The following GLTP variants were observed in gnomAD, a reference collection of about 807,000 sequenced individuals.
GLTP encodes glycolipid transfer protein.
In GLTP, 22 loss-of-function variants were observed where a neutral mutation model predicts 24.0. The ratio of observed to expected loss-of-function variants is 0.92; its 90% CI spans 0.65 to 1.31. GLTP has a LOEUF of 1.31. Ranked by LOEUF, GLTP falls within the 50% of genes most tolerant of loss-of-function variation. The probability of loss-of-function intolerance (pLI) is 0.00; values close to 1 mark genes in which losing one functional copy is unlikely to be tolerated. For missense variants in GLTP, 224 were observed against 276.6 expected (o/e 0.81, Z 1.35); for synonymous variants, 92 against 115.9 (o/e 0.79, Z 1.33).
In GLTP at chr12:109,855,068, C is replaced by A. The variant is rs1466433454; in HGVS notation, c.447+551G>T. Among the ~76,000 whole-genome samples, 1 of 152,218 alleles carries A rather than the reference C, an allele frequency of 6.6e-6. No individual in the cohort carries two copies. Among genetic ancestry groups the A allele is most frequent in the Non-Finnish European group, 1.5e-5 (1 of 68,034 alleles). On this transcript the variant is annotated intron_variant, in intron 4 of 4. Coordinates refer to ENST00000318348, the MANE Select transcript of GLTP (RefSeq NM_016433.4). This position sits in a 1 kb window ranked among gnomAD's most constrained non-coding sequence, Gnocchi z 4.1. ...GCGCAGGGCAGCCGGAGGGCCTTCG[C>A]AAGTCTCCTGAGCAGGGCTGTCCGC...
Position 109,855,685 on chromosome 12 carries a change from G to C in GLTP, c.381C>G (p.Asn127Lys). The C allele has an allele frequency of 6.2e-7, 1 of 1,608,024 alleles. No homozygotes were observed. Among genetic ancestry groups the C allele is most frequent in the Non-Finnish European group, 8.5e-7 (1 of 1,177,356 alleles). The change falls in exon 4 of 5, where the codon AAC (asparagine) becomes AAG (lysine). Residue 127 changes from asparagine to lysine, a missense_variant. By Grantham distance (94) the Asn-to-Lys change is moderately conservative. Transcript: ENST00000318348. The surrounding 1 kb of genome is among the most constrained non-coding windows in gnomAD (Gnocchi z 4.1). ...GGGCCATCTCGTAGGCCTTGGTGGC[G>C]TTGACACGGATGAGGTTGGGGTGGT... ...DENHPNLIRV[N>K]ATKAYEMALK...
At chr12:109,853,442 G>A (rs897661057) in intron 4 of GLTP, among the ~76,000 whole-genome samples, 2 of 151,998 alleles carry the variant, frequency 1.3e-5, no homozygotes, top group Non-Finnish European at 2.9e-5. Flanking sequence ...TGTAATCCCA[G>A]CACTTTGGGA....
chr12:109,859,807 T>C (rs767678164), intron 1 of GLTP: 1 of 154,874 alleles, frequency 6.5e-6, no homozygotes, highest in Non-Finnish European at 1.5e-5. Flanking sequence ...CAATATTAAC[T>C]ACTTTATTTT....
chr12:109,870,980 A>G (rs1023765223), intron 1 of GLTP, among the ~76,000 whole-genome samples: 6 of 152,072 alleles, frequency 3.9e-5, no homozygotes, highest in African/African-American at 1.4e-4. Context: ...AGGCCTCCAT[A>G]TAAGTACCAC....
At chr12:109,858,847 G>A (rs894111182) in intron 1 of GLTP, 106 bp from the exon 2 acceptor site, 9 of 783,202 alleles carry the variant, frequency 1.1e-5, no homozygotes, top group South Asian at 2.9e-5. Context: ...GGTGTGTCCC[G>A]GGGAGAGCTG....
At chr12:109,878,001 T>C (rs1457864163) in intron 1 of GLTP, among the ~76,000 whole-genome samples, 1 of 152,166 alleles carries the variant, frequency 6.6e-6, no homozygotes, top group Non-Finnish European at 1.5e-5. Flanking sequence ...GGCCCTGTGG[T>C]GGTTAACCCA....
intron 1 of GLTP, among the ~76,000 whole-genome samples, chr12:109,878,767 T>C (rs1369937591): frequency 6.6e-6 from 1 of 152,252 alleles, no homozygotes; most frequent in Non-Finnish European, 1.5e-5. Context: ...ACTGAGCATC[T>C]GCTATGTGCC....
chr12:109,858,224 T>C (rs1290521918), intron 2 of GLTP: 2 of 457,474 alleles, frequency 4.4e-6, no homozygotes, highest in East Asian at 1.4e-4. Flanking sequence ...AGGACCAGCC[T>C]CAAAGGGCTG....
At chr12:109,872,325 G>C (rs1868749907) in intron 1 of GLTP, among the ~76,000 whole-genome samples, 1 of 151,898 alleles carries the variant, frequency 6.6e-6, no homozygotes, top group Non-Finnish European at 1.5e-5. Context: ...CAGCTGTTGG[G>C]AAACGGAGCT....
intron 1 of GLTP, among the ~76,000 whole-genome samples, chr12:109,861,622 C>T (rs969228525): frequency 2.0e-5 from 3 of 152,000 alleles, no homozygotes; most frequent in African/African-American, 7.2e-5. Flanking sequence ...GTAGCAGGTG[C>T]CTGTAGTTCC....
intron 4 of GLTP, among the ~76,000 whole-genome samples, chr12:109,854,443 T>C (rs192545100): frequency 5.3e-5 from 8 of 152,030 alleles, no homozygotes. Flanking sequence ...AAGCACTTTA[T>C]AGTGATTAAT....
intron 2 of GLTP, among the ~76,000 whole-genome samples, chr12:109,858,423 C>T (rs1034141392): frequency 6.6e-6 from 1 of 152,198 alleles, no homozygotes; most frequent in African/African-American, 2.4e-5. Flanking sequence ...GATGAAAGAA[C>T]CAGCAGGTTC....
intron 1 of GLTP, among the ~76,000 whole-genome samples, chr12:109,875,995 G>A (rs1047793836): frequency 6.6e-6 from 1 of 152,216 alleles, no homozygotes; most frequent in Non-Finnish European, 1.5e-5. Flanking sequence ...GACATAAGAA[G>A]CAATGTGAAT....
chr12:109,863,375 C>G (rs1193743815), intron 1 of GLTP, among the ~76,000 whole-genome samples: 1 of 152,002 alleles, frequency 6.6e-6, no homozygotes, highest in Non-Finnish European at 1.5e-5. Flanking sequence ...TTTTTTAAAC[C>G]AACAATCTTG....
chr12:109,855,805 T>G lies in GLTP; in HGVS notation c.297-36A>C, dbSNP rs1226798394. 1 of 1,515,068 alleles carries G rather than the reference T, an allele frequency of 6.6e-7. No individual in the cohort carries two copies. Among genetic ancestry groups the G allele is most frequent in the South Asian group, 1.3e-5 (1 of 76,094 alleles). The allele number at this position is 1,515,068 out of a possible 1,614,324, so 93.9% of individuals were successfully genotyped here. The stretch of plus-strand genomic sequence containing the variant: ...GGGAGGAGAAGGTTCGTTAGGACCC[T>G]GCACAGCCCTGTCGTGAAAGACCCT... On this transcript the variant is annotated intron_variant, in intron 3 of 4. Transcript: ENST00000318348. This position sits in a 1 kb window ranked among gnomAD's most constrained non-coding sequence, Gnocchi z 4.1.
At chr12:109,858,835 A>G (rs1191249101) in intron 1 of GLTP, 94 bp from the exon 2 acceptor site, 33 of 849,836 alleles carry the variant, frequency 3.9e-5, no homozygotes, top group Non-Finnish European at 6.5e-5. Context: ...GGTGGATTAC[A>G]TGGTGTGTCC....
chr12:109,871,161 G>A (rs1226010696), intron 1 of GLTP, among the ~76,000 whole-genome samples: 1 of 137,984 alleles, frequency 7.2e-6, no homozygotes, highest in African/African-American at 2.8e-5. Flanking sequence ...TCGACTCACT[G>A]TAACCTCCGC....
chr12:109,853,337 A>G (rs1209209785), intron 4 of GLTP, among the ~76,000 whole-genome samples: 1 of 152,172 alleles, frequency 6.6e-6, no homozygotes, highest in Non-Finnish European at 1.5e-5. Flanking sequence ...CTTGAAAAGT[A>G]CAGAGAATTC....
intron 2 of GLTP, chr12:109,858,316 C>A: frequency 4.6e-6 from 2 of 433,080 alleles, no homozygotes; most frequent in Admixed American, 2.6e-5. Context: ...CAGTCTATGG[C>A]TGGGGAGGCG....
Sources: allele counts gnomAD v4.1 joint callset (sites outside exome capture counted in the v4.1 genomes callset), GRCh38; gene constraint gnomAD v4.1.1; non-coding constraint Gnocchi (gnomAD v3.1); transcripts MANE v1.5; gene names NCBI Gene and HGNC (gene_info 2026-07-23, HGNC 2026-07-21).